The following BRINP1 variants were observed in gnomAD, a reference collection of about 807,000 sequenced individuals.
BRINP1 encodes BMP/retinoic acid inducible neural specific 1.
Under a neutral mutation model 72.9 loss-of-function variants are expected in BRINP1, and 17 were observed. The observed-to-expected ratio is 0.23, with a 90% CI of 0.16 to 0.35. The LOEUF (loss-of-function observed/expected upper bound fraction) is 0.35, where lower values mean the gene tolerates loss of function less well. Ranked by LOEUF, BRINP1 falls within the 10% of genes least tolerant of loss-of-function variation. BRINP1 has a pLI of 1.00. For missense variants in BRINP1, 850 were observed against 1,001.6 expected (o/e 0.85, Z 2.04); for synonymous variants, 418 against 378.5 (o/e 1.10, Z -1.21).
intron 6 of BRINP1, among the ~76,000 whole-genome samples, chr9:119,213,439 T>C (rs1377227114): frequency 2.6e-5 from 4 of 152,242 alleles, no homozygotes; most frequent in Admixed American, 6.5e-5. Flanking sequence ...TGAGCTTTGA[T>C]AGTCTGTAGA....
intron 1 of BRINP1, among the ~76,000 whole-genome samples, chr9:119,319,933 G>T (rs990300429): frequency 2.0e-5 from 3 of 152,158 alleles, no homozygotes; most frequent in Admixed American, 2.0e-4. Flanking sequence ...TCACACCCAA[G>T]TGTGAACAAT....
At chr9:119,190,649 A>C (rs536608848) in intron 7 of BRINP1, among the ~76,000 whole-genome samples, 2 of 152,072 alleles carry the variant, frequency 1.3e-5, no homozygotes, top group African/African-American at 4.8e-5. Context: ...ATTGAAGTGA[A>C]GTAATATTTA....
At chr9:119,330,126 C>T (rs1044468616) in intron 1 of BRINP1, among the ~76,000 whole-genome samples, 2 of 152,176 alleles carry the variant, frequency 1.3e-5, no homozygotes, top group Non-Finnish European at 2.9e-5. Context: ...TTTTTTTTAA[C>T]CTTTTCCACA....
intron 2 of BRINP1, among the ~76,000 whole-genome samples, chr9:119,257,341 A>G (rs1830455547): frequency 6.6e-6 from 1 of 152,218 alleles, no homozygotes; most frequent in African/African-American, 2.4e-5. Context: ...ATGAAGCACT[A>G]TTCATACACG....
At chr9:119,359,189 C>T (rs761812021) in intron 1 of BRINP1, among the ~76,000 whole-genome samples, 1 of 152,020 alleles carries the variant, frequency 6.6e-6, no homozygotes, top group Non-Finnish European at 1.5e-5. Context: ...TATGAAGTTA[C>T]TATTATTATT....
chr9:119,344,069 CAG>C (rs900417499), intron 1 of BRINP1, among the ~76,000 whole-genome samples: 1 of 152,108 alleles, frequency 6.6e-6, no homozygotes, highest in African/African-American at 2.4e-5. Flanking sequence ...GAGAGAAGCT[CAG>C]GGGAGGAAGC....
chr9:119,276,824 C>A (rs1830661910), intron 2 of BRINP1, among the ~76,000 whole-genome samples: 1 of 152,162 alleles, frequency 6.6e-6, no homozygotes, highest in Non-Finnish European at 1.5e-5. Context: ...TTCTACTCCC[C>A]TTTACTTCTA....
chr9:119,168,593 A>T (rs1165605110), intron 7 of BRINP1, among the ~76,000 whole-genome samples: 2 of 152,248 alleles, frequency 1.3e-5, no homozygotes, highest in East Asian at 3.8e-4. Context: ...CTTCTGGATG[A>T]CAACATATTG....
rs147381590 is a variant in BRINP1, at chr9:119,367,318, G to T, written c.-51+1738C>A. 7.4e-3 allele frequency among the ~76,000 whole-genome samples: 1,101 copies of T among 149,486 alleles called. 19 individuals carry two copies. Among genetic ancestry groups the T allele is most frequent in the African/African-American group, 0.025 (1,019 of 40,604 alleles). Reference sequence around the variant, plus strand: ...TTTTCCCCTAAGAGGGCTTTTCAGCGGCCCCTCCGTGCTGAGCTAGACAAG... The same window carrying T: ...TTTTCCCCTAAGAGGGCTTTTCAGCTGCCCCTCCGTGCTGAGCTAGACAAG... On this transcript the variant is annotated intron_variant, in intron 1 of 7. Coordinates refer to ENST00000265922, the MANE Select transcript of BRINP1 (RefSeq NM_014618.3).
chr9:119,305,146 T>C (rs1016078702), intron 2 of BRINP1, among the ~76,000 whole-genome samples: 27 of 152,214 alleles, frequency 1.8e-4, no homozygotes, highest in African/African-American at 5.5e-4. Flanking sequence ...TGGAATAGAA[T>C]AGAAGATATC....
At chr9:119,192,540 T>C (rs1404146383) in intron 7 of BRINP1, among the ~76,000 whole-genome samples, 1 of 151,928 alleles carries the variant, frequency 6.6e-6, no homozygotes, top group Non-Finnish European at 1.5e-5. Flanking sequence ...TTGAAACCAC[T>C]ATACAATATT....
intron 7 of BRINP1, among the ~76,000 whole-genome samples, chr9:119,178,384 T>A (rs1829512837): frequency 6.6e-6 from 1 of 152,226 alleles, no homozygotes; most frequent in Non-Finnish European, 1.5e-5. Flanking sequence ...TTTTCCATAT[T>A]TCATTTTGAG....
At chr9:119,241,938 A>T in intron 4 of BRINP1, 109 bp downstream of exon 4, 1 of 1,194,796 alleles carries the variant, frequency 8.4e-7, no homozygotes, top group South Asian at 1.5e-5. Context: ...ATCACGAGCT[A>T]CATGGTTATG....
chr9:119,227,859 A>G (rs1254591793), intron 5 of BRINP1, among the ~76,000 whole-genome samples: 2 of 151,996 alleles, frequency 1.3e-5, no homozygotes, highest in African/African-American at 2.4e-5. Flanking sequence ...CTTCATCTGT[A>G]TAGTGGGGAG....
chr9:119,274,501 T>C (rs953380473), intron 2 of BRINP1, among the ~76,000 whole-genome samples: 48 of 152,326 alleles, frequency 3.2e-4, no homozygotes, highest in African/African-American at 1.1e-3. Context: ...ATTCATTTCA[T>C]TGGACTAAGC....
chr9:119,167,682 T>A lies in BRINP1; in HGVS notation c.1688A>T (p.Tyr563Phe). The A allele has an allele frequency of 6.2e-7, 1 of 1,614,104 alleles. No homozygotes were observed. The highest frequency in any genetic ancestry group is 8.5e-7 in the Non-Finnish European group (1 of 1,180,026). The change falls in exon 8 of 8, where the codon TAT becomes TTT. Residue 563 changes from tyrosine (Y) to phenylalanine (F), a missense_variant. By Grantham distance (22) the Tyr-to-Phe change is conservative. Coordinates refer to ENST00000265922, the MANE Select transcript of BRINP1 (RefSeq NM_014618.3). The surrounding 1 kb of genome is among the most constrained non-coding windows in gnomAD (Gnocchi z 4.3). ...NSSLDPMFFV[Y>F]VNPFSGSHSE... ...ATGGCTCCCGCTAAAGGGGTTGACATAGACAAAGAACATGGGGTCCAGGCT... is the reference window on the plus strand; with the variant it reads ...ATGGCTCCCGCTAAAGGGGTTGACAAAGACAAAGAACATGGGGTCCAGGCT...
chr9:119,303,689 G>T (rs923913476), intron 2 of BRINP1, among the ~76,000 whole-genome samples: 1 of 151,916 alleles, frequency 6.6e-6, no homozygotes, highest in African/African-American at 2.4e-5. Context: ...TGGAGCAAAT[G>T]CTACCTTCAT....
At chr9:119,275,471 A>T (rs1830647618) in intron 2 of BRINP1, among the ~76,000 whole-genome samples, 1 of 152,206 alleles carries the variant, frequency 6.6e-6, no homozygotes, top group Admixed American at 6.5e-5. Context: ...TGAGTCCAAT[A>T]GGACTATATA....
chr9:119,341,676 G>A (rs1831407656), intron 1 of BRINP1, among the ~76,000 whole-genome samples: 1 of 152,216 alleles, frequency 6.6e-6, no homozygotes, highest in Admixed American at 6.5e-5. Flanking sequence ...AAACTACGAT[G>A]TTTGGTAGAT....
Sources: allele counts gnomAD v4.1 joint callset (sites outside exome capture counted in the v4.1 genomes callset), GRCh38; gene constraint gnomAD v4.1.1; non-coding constraint Gnocchi (gnomAD v3.1); transcripts MANE v1.5; gene names NCBI Gene and HGNC (gene_info 2026-07-23, HGNC 2026-07-21).